Variants in DLG2 observed in about 807,000 individuals in gnomAD.
DLG2 encodes the protein disks large homolog 2.
Under a neutral mutation model 132.5 loss-of-function variants are expected in DLG2, and 45 were observed. The ratio of observed to expected loss-of-function variants is 0.34; its 90% CI spans 0.27 to 0.44. The LOEUF (loss-of-function observed/expected upper bound fraction) is 0.44, where lower values mean the gene tolerates loss of function less well. Ranked by LOEUF, DLG2 falls within the 20% of genes least tolerant of loss-of-function variation. DLG2 has a pLI of 1.00. For synonymous variants in DLG2, 424 were observed against 419.6 expected (o/e 1.01, Z -0.13); for missense variants, 1,045 against 1,196.9 (o/e 0.87, Z 1.87).
chr11:85,441,602 C>T (rs368717156), intron 3 of DLG2, among the ~76,000 whole-genome samples: 25 of 152,208 alleles, frequency 1.6e-4, no homozygotes, highest in East Asian at 3.9e-4. Flanking sequence ...GAATATACAA[C>T]GGTGAGCAAG....
At chr11:84,731,531 C>G (rs184856607) in intron 6 of DLG2, among the ~76,000 whole-genome samples, 1 of 151,508 alleles carries the variant, frequency 6.6e-6, no homozygotes, top group Admixed American at 6.6e-5. Context: ...ACTAGACAAA[C>G]GGAAAGGGGA....
intron 10 of DLG2, among the ~76,000 whole-genome samples, chr11:84,093,569 G>C (rs2097126665): frequency 6.6e-6 from 1 of 152,082 alleles, no homozygotes; most frequent in Admixed American, 6.6e-5. Flanking sequence ...ATAGTCACAG[G>C]TTCTATGGAT....
chr11:83,508,393 C>G (rs1440014384), intron 21 of DLG2, among the ~76,000 whole-genome samples: 2 of 97,016 alleles, frequency 2.1e-5, no homozygotes, highest in Non-Finnish European at 4.1e-5. Flanking sequence ...CACACCACCA[C>G]GCCTGGCTAA....
chr11:84,662,423 C>T lies in DLG2; in HGVS notation c.358-127692G>A, dbSNP rs867786873. 8.5e-5 allele frequency among the ~76,000 whole-genome samples: 13 copies of T among 152,106 alleles called. No homozygotes were observed. In the South Asian group the frequency reaches 1.0e-3, roughly 12 times the overall value. ...CTCCCGACCTCAGGTGATCGGCCCACCTCAGCCTCCTAAAGTCCTGGGATT... is the reference window on the plus strand; with the variant it reads ...CTCCCGACCTCAGGTGATCGGCCCATCTCAGCCTCCTAAAGTCCTGGGATT... On this transcript the variant is annotated intron_variant, in intron 6 of 27. Coordinates refer to ENST00000376104, the MANE Select transcript of DLG2 (RefSeq NM_001142699.3).
chr11:85,445,343 A>G (rs1300047286), intron 3 of DLG2, among the ~76,000 whole-genome samples: 1 of 152,168 alleles, frequency 6.6e-6, no homozygotes, highest in Non-Finnish European at 1.5e-5. Flanking sequence ...ATACCTCTGG[A>G]GAAGAGCCAC....
At chr11:83,910,300 T>C (rs760912714) in intron 15 of DLG2, among the ~76,000 whole-genome samples, 3 of 152,132 alleles carry the variant, frequency 2.0e-5, no homozygotes, top group African/African-American at 2.4e-5. Context: ...AGTCATCAAA[T>C]TGACATAAAA....
intron 3 of DLG2, among the ~76,000 whole-genome samples, chr11:85,324,586 T>A (rs1235788970): frequency 6.6e-6 from 1 of 152,214 alleles, no homozygotes; most frequent in African/African-American, 2.4e-5. Flanking sequence ...TAGATTTTTA[T>A]AAACATTGCT....
At chr11:84,561,314 G>A (rs1314236501) in intron 6 of DLG2, among the ~76,000 whole-genome samples, 9 of 152,016 alleles carry the variant, frequency 5.9e-5, no homozygotes, top group Admixed American at 2.0e-4. Context: ...GATGGCAGAT[G>A]CCATCAAGCC....
At chr11:84,363,448 C>G (rs915393426) in intron 7 of DLG2, among the ~76,000 whole-genome samples, 10 of 152,072 alleles carry the variant, frequency 6.6e-5, no homozygotes, top group Non-Finnish European at 1.5e-4. Context: ...AATTTTCTCC[C>G]ATTTTCTGGG....
At chr11:83,476,391 C>T (rs2136924395) in intron 22 of DLG2, among the ~76,000 whole-genome samples, 1 of 152,190 alleles carries the variant, frequency 6.6e-6, no homozygotes, top group African/African-American at 2.4e-5. Context: ...CAGCTACTGC[C>T]AATTGGTTCG....
chr11:84,063,158 C>G (rs556314366), intron 10 of DLG2, among the ~76,000 whole-genome samples: 1 of 152,192 alleles, frequency 6.6e-6, no homozygotes, highest in Non-Finnish European at 1.5e-5. Flanking sequence ...TCCAATCTCA[C>G]TCTACCAATC....
At chr11:83,849,239 G>A (rs1188474860) in intron 16 of DLG2, among the ~76,000 whole-genome samples, 1 of 149,736 alleles carries the variant, frequency 6.7e-6, no homozygotes, top group Non-Finnish European at 1.5e-5. Flanking sequence ...TTTTTGTGAG[G>A]ATTAAATGGG....
chr11:84,097,973 A>ACT (rs765486141), intron 10 of DLG2, among the ~76,000 whole-genome samples: 1 of 148,080 alleles, frequency 6.8e-6, no homozygotes, highest in Non-Finnish European at 1.5e-5. Context: ...AGCAGCTACT[A>ACT]CTCTCTATCA....
intron 22 of DLG2, among the ~76,000 whole-genome samples, chr11:83,482,368 T>C (rs1166592207): frequency 6.6e-6 from 1 of 152,136 alleles, no homozygotes; most frequent in Admixed American, 6.6e-5. Context: ...GTGATACAGT[T>C]GCAAAAGACA....
intron 8 of DLG2, among the ~76,000 whole-genome samples, chr11:84,221,045 C>A (rs1404857314): frequency 6.6e-6 from 1 of 151,016 alleles, no homozygotes; most frequent in Non-Finnish European, 1.5e-5. Flanking sequence ...CTGAAGTGAT[C>A]CACCTGCCTC....
chr11:85,131,259 A>C (rs2075684233), intron 5 of DLG2, among the ~76,000 whole-genome samples: 1 of 152,160 alleles, frequency 6.6e-6, no homozygotes, highest in African/African-American at 2.4e-5. Flanking sequence ...ATAATATAGT[A>C]GACTTCTAGT....
chr11:84,506,132 G>A (rs1405379494), intron 7 of DLG2, among the ~76,000 whole-genome samples: 2 of 138,518 alleles, frequency 1.4e-5, no homozygotes, highest in Non-Finnish European at 3.0e-5. Context: ...CTGGAGTGCA[G>A]TGGCGGGATC....
chr11:84,189,991 G>GA (rs1334671963), intron 8 of DLG2, among the ~76,000 whole-genome samples: 68 of 130,374 alleles, frequency 5.2e-4, no homozygotes, highest in Non-Finnish European at 5.4e-4. Flanking sequence ...AATTAAAGGA[G>GA]AAAAAAAAAA....
chr11:83,668,707 ATATATATGTGTATATAAAC>A (rs2076198328), intron 18 of DLG2, among the ~76,000 whole-genome samples: 1 of 101,946 alleles, frequency 9.8e-6, no homozygotes, highest in African/African-American at 4.4e-5. Context: ...ATATAAACAC[ATATATATGTGTATATAAAC>A]ACATATATAT....
Sources: allele counts gnomAD v4.1 joint callset (sites outside exome capture counted in the v4.1 genomes callset), GRCh38; gene constraint gnomAD v4.1.1; transcripts MANE v1.5; gene names NCBI Gene and HGNC (gene_info 2026-07-23, HGNC 2026-07-21).